Variants in DMTF1 observed in about 807,000 individuals in gnomAD.
DMTF1 encodes the protein cyclin D binding myb like transcription factor 1.
Under a neutral mutation model 91.1 loss-of-function variants are expected in DMTF1, and 39 were observed. That is an observed-to-expected ratio of 0.43 (90% CI 0.33 to 0.56). The LOEUF is 0.56. DMTF1 is among the 20% of genes least tolerant of loss of function. DMTF1 has a pLI of 0.05. For synonymous variants in DMTF1, 338 were observed against 309.5 expected (o/e 1.09, Z -0.97); for missense variants, 750 against 914.5 (o/e 0.82, Z 2.32).
At chr7:87,177,280 A>G (rs1796456091) in intron 7 of DMTF1, among the ~76,000 whole-genome samples, 1 of 152,144 alleles carries the variant, frequency 6.6e-6, no homozygotes, top group Non-Finnish European at 1.5e-5. Context: ...TTCACAGTTA[A>G]TGGTCATTTG....
Position 87,193,269 on chromosome 7 carries a change from C to T in DMTF1, c.1566C>T (p.Pro522=). The change falls in exon 15 of 18, where the codon CCC becomes CCT. Residue 522 remains proline, a synonymous_variant. Coordinates refer to ENST00000331242, the MANE Select transcript of DMTF1 (RefSeq NM_001142327.2). ...LLQTSSSQGL[P]LTLTASPTVT... Reference sequence around the variant, plus strand: ...AAACAAGCTCAAGCCAAGGCCTTCCCCTAACTCTGACTGCTAGTCCCACAG... The same window carrying T: ...AAACAAGCTCAAGCCAAGGCCTTCCTCTAACTCTGACTGCTAGTCCCACAG... 1 of 1,613,498 alleles carries T rather than the reference C, an allele frequency of 6.2e-7. No homozygotes were observed. The highest frequency in any genetic ancestry group is 8.5e-7 in the Non-Finnish European group (1 of 1,179,622).
intron 10 of DMTF1, among the ~76,000 whole-genome samples, chr7:87,182,936 A>G (rs542392715): frequency 1.3e-5 from 2 of 152,302 alleles, no homozygotes; most frequent in African/African-American, 2.4e-5. Context: ...GCGACCAACA[A>G]CGTATTTAGG....
intron 7 of DMTF1, among the ~76,000 whole-genome samples, chr7:87,176,278 G>C (rs1796243008): frequency 6.6e-6 from 1 of 152,198 alleles, no homozygotes; most frequent in Non-Finnish European, 1.5e-5. Flanking sequence ...AAGAGAAACA[G>C]AAATACAGTG....
rs1799636553 is a variant in DMTF1, at chr7:87,191,017, A to G, written c.1484A>G (p.Glu495Gly). ...AACAGTGGAACACTACAGACATTTG[A>G]GATTCTTCCCGTGAGTAACGCTTCA... The part of the protein sequence containing the change: ...TLNSGTLQTF[E>G]ILPSFHLQPT... The change falls in exon 14 of 18, where the codon GAG becomes GGG. Residue 495 changes from glutamate to glycine, a missense_variant. By Grantham distance (98) the Glu-to-Gly change is moderately conservative (BLOSUM62 -2). This residue lies in a region of DMTF1 where 410 missense variants were observed against 420.2 expected (regional missense o/e 0.98). Coordinates refer to ENST00000331242, the MANE Select transcript of DMTF1 (RefSeq NM_001142327.2). 6.2e-7 allele frequency: 1 copy of G among 1,600,278 alleles called. No individual in the cohort carries two copies. The highest frequency in any genetic ancestry group is 8.5e-7 in the Non-Finnish European group (1 of 1,171,048).
At chr7:87,164,742 T>C (rs1380515874) in intron 2 of DMTF1, among the ~76,000 whole-genome samples, 192 bp from the exon 3 acceptor site, 2 of 152,248 alleles carry the variant, frequency 1.3e-5, no homozygotes, top group African/African-American at 4.8e-5. Context: ...TTGAGATATC[T>C]AATTCTAAAT....
intron 7 of DMTF1, among the ~76,000 whole-genome samples, chr7:87,176,366 A>G (rs906619297): frequency 6.6e-6 from 1 of 152,156 alleles, no homozygotes; most frequent in African/African-American, 2.4e-5. Context: ...GGAAAATGCT[A>G]TTAGTTTAGA....
chr7:87,183,075 C>T (rs1797703285), intron 10 of DMTF1, among the ~76,000 whole-genome samples: 2 of 152,096 alleles, frequency 1.3e-5, no homozygotes, highest in African/African-American at 2.4e-5. Context: ...AATCCATGCC[C>T]ACTGTTGCAA....
rs751424088 is a variant in DMTF1 at position 87,194,750 on chromosome 7, G to A, written c.2095G>A (p.Val699Ile). The A allele has an allele frequency of 3.1e-5, 50 of 1,611,216 alleles. No individual in the cohort carries two copies. The highest frequency in any genetic ancestry group is 2.0e-4 in the African/African-American group (15 of 74,672). ...AATTGATGATGAAACAATACTTATC[G>A]TTCCTTCACCACATGGCTTTATCCA... ...QTIDDETILI[V>I]PSPHGFIQAS... The change falls in exon 17 of 18, where the codon GTT becomes ATT. Residue 699 changes from valine to isoleucine, a missense_variant. Val to Ile is a conservative substitution (Grantham distance 29). This residue lies in a region of DMTF1 where 410 missense variants were observed against 420.2 expected (regional missense o/e 0.98). Transcript: ENST00000331242.
rs372215318 is a variant in DMTF1 at position 87,181,349 on chromosome 7, T to G, written c.710+8T>G. The G allele has an allele frequency of 3.2e-6, 4 of 1,243,464 alleles. No individual in the cohort carries two copies. The African/African-American group carries it at 6.0e-5, about 19-fold the overall frequency. The allele number at this position is 1,243,464 out of a possible 1,614,324, so 77.0% of individuals were successfully genotyped here. On this transcript the variant is annotated splice_region_variant and intron_variant, in intron 9 of 17. Coordinates refer to ENST00000331242, the MANE Select transcript of DMTF1 (RefSeq NM_001142327.2). Reference sequence around the variant, plus strand: ...AATTGAGAAGCTCAAGGAGTAAGTTTTAAAGTTTTTTTCATTAATTCTAAT... The same window carrying G: ...AATTGAGAAGCTCAAGGAGTAAGTTGTAAAGTTTTTTTCATTAATTCTAAT...
In DMTF1 at chr7:87,195,426, A is replaced by G. The variant is rs1450033423; in HGVS notation, c.*286A>G. 3.6e-6 allele frequency: 1 copy of G among 279,824 alleles called. No homozygotes were observed. Among genetic ancestry groups the G allele is most frequent in the East Asian group, 7.6e-5 (1 of 13,076 alleles). 17.3% of individuals were successfully genotyped at this position (279,824 alleles called of 1,614,324 possible). ...AGGAATTTCATTCACTTCAGCCACT[A>G]AGAAAAGTTTAGAATCACGAAAGCT... On this transcript the variant is annotated 3_prime_UTR_variant, in exon 18 of 18. Coordinates refer to ENST00000331242, the MANE Select transcript of DMTF1 (RefSeq NM_001142327.2).
At chr7:87,186,098 C>G (rs28595346) in intron 12 of DMTF1, 118 bp downstream of exon 12, 3 of 1,034,024 alleles carry the variant, frequency 2.9e-6, no homozygotes, top group East Asian at 2.4e-5. Context: ...TTTCTACTTA[C>G]ACCACTTCCC....
At chr7:87,182,838 T>G (rs1256007730) in intron 10 of DMTF1, among the ~76,000 whole-genome samples, 3 of 152,218 alleles carry the variant, frequency 2.0e-5, no homozygotes, top group Admixed American at 6.5e-5. Context: ...AGAAAAAATT[T>G]ATGATTGGTG....
In DMTF1 at chr7:87,193,341, T is replaced by G. The variant is rs1442100425; in HGVS notation, c.1638T>G (p.Val546=). 9 of 1,613,066 alleles carry G rather than the reference T, an allele frequency of 5.6e-6. No homozygotes were observed. Among genetic ancestry groups the G allele is most frequent in the Non-Finnish European group, 5.1e-6 (6 of 1,179,462 alleles). ...CTGCTTCTCCTGAACAGATTATTGT[T>G]CATGCTTTATCCGTATGTTACATAA... is the stretch of plus-strand genomic sequence containing the variant. ...AAPASPEQII[V]HALSPEHLLN... Residue 546 remains valine, a synonymous_variant, in exon 15 of 18, where the codon GTT becomes GTG. Transcript: ENST00000331242.
chr7:87,156,207 T>C (rs962540448), intron 1 of DMTF1, among the ~76,000 whole-genome samples: 1 of 152,164 alleles, frequency 6.6e-6, no homozygotes, highest in Non-Finnish European at 1.5e-5. Flanking sequence ...AAAATAACAT[T>C]TTTGCTTTTT....
At position 87,195,741 on chromosome 7, in the gene DMTF1, AC is replaced by A. The variant is rs1801098851; in HGVS notation, c.*602del. ...AAAGCATTAAAAGTTAAAATTCACT[AC>A]AGGTTTTTTGTTACTTTTAAAGGGA... On this transcript the variant is annotated 3_prime_UTR_variant, in exon 18 of 18. Transcript: ENST00000331242. 6.6e-6 allele frequency: 1 copy of A among 152,514 alleles called. No individual in the cohort carries two copies. Among genetic ancestry groups the A allele is most frequent in the Non-Finnish European group, 1.5e-5 (1 of 67,986 alleles). The allele number at this position is 152,514 out of a possible 1,614,324, so 9.4% of individuals were successfully genotyped here. A position where few individuals can be genotyped will look rare whatever the true frequency, so the allele number is the denominator to read the frequency against.
chr7:87,188,479 CAGGA>C (rs1402772362), intron 13 of DMTF1, among the ~76,000 whole-genome samples, 178 bp downstream of exon 13: 6 of 152,260 alleles, frequency 3.9e-5, no homozygotes, highest in Admixed American at 2.0e-4. Context: ...GAATGTGTGA[CAGGA>C]AGGATGTATA....
chr7:87,193,267 C>T lies in DMTF1; in HGVS notation c.1564C>T (p.Pro522Ser). 2 of 1,613,520 alleles carry T rather than the reference C, an allele frequency of 1.2e-6. No individual in the cohort carries two copies. The highest frequency in any genetic ancestry group is 1.7e-6 in the Non-Finnish European group (2 of 1,179,620). The part of the protein sequence containing the change: ...LLQTSSSQGL[P>S]LTLTASPTVT... ...TCAAACAAGCTCAAGCCAAGGCCTT[C>T]CCCTAACTCTGACTGCTAGTCCCAC... The change falls in exon 15 of 18, where the codon CCC becomes TCC. Residue 522 changes from proline to serine, a missense_variant. By Grantham distance (74) the Pro-to-Ser change is moderately conservative (BLOSUM62 -1). Transcript: ENST00000331242.
At chr7:87,191,118 A>C in intron 14 of DMTF1, 91 bp downstream of exon 14, 1 of 825,724 alleles carries the variant, frequency 1.2e-6, no homozygotes, top group South Asian at 1.7e-5. Context: ...ATGATTCATA[A>C]AAGTCTGAGG....
intron 1 of DMTF1, chr7:87,154,556 AGAACTT>A (rs1790181172): frequency 6.6e-6 from 1 of 152,660 alleles, no homozygotes; most frequent in Non-Finnish European, 1.5e-5. Flanking sequence ...CATCTTTCTT[AGAACTT>A]TAAGTTCATA....
Sources: allele counts gnomAD v4.1 joint callset (sites outside exome capture counted in the v4.1 genomes callset), GRCh38; gene constraint gnomAD v4.1.1; regional missense constraint gnomAD v4.1.1; transcripts MANE v1.5; gene names NCBI Gene and HGNC (gene_info 2026-07-23, HGNC 2026-07-21).